NFAT5: variants seen among roughly 807,000 people sequenced by gnomAD.
NFAT5 encodes nuclear factor of activated T cells 5, also known as nuclear factor of activated T-cells 5.
Under a neutral mutation model 166.5 loss-of-function variants are expected in NFAT5, and 31 were observed. The ratio of observed to expected loss-of-function variants is 0.19; its 90% CI spans 0.14 to 0.25. The LOEUF is 0.25. NFAT5 is among the 10% of genes least tolerant of loss of function. The pLI is 1.00. For synonymous variants in NFAT5, 612 were observed against 639.7 expected, an observed-to-expected ratio of 0.96 and a Z score of 0.65; for missense variants, 1,449 against 1,821.8, an observed-to-expected ratio of 0.80 and a Z score of 3.72.
chr16:69,641,974 C>T (rs938736190), intron 3 of NFAT5, among the ~76,000 whole-genome samples: 10 of 152,022 alleles, frequency 6.6e-5, no homozygotes, highest in Admixed American at 1.3e-4. Flanking sequence ...TGGTGCATAC[C>T]TGTAGTCCTA....
chr16:69,596,627 A>G (rs2032806801), intron 2 of NFAT5, among the ~76,000 whole-genome samples: 1 of 151,388 alleles, frequency 6.6e-6, no homozygotes. Context: ...CTGACGCAGG[A>G]GAATCGCTTG....
intron 2 of NFAT5, among the ~76,000 whole-genome samples, chr16:69,595,893 A>G (rs1014075903): frequency 1.3e-5 from 2 of 152,216 alleles, no homozygotes; most frequent in African/African-American, 4.8e-5. Flanking sequence ...ACTAAAGGGT[A>G]GATAGTGTGT....
intron 2 of NFAT5, among the ~76,000 whole-genome samples, chr16:69,618,254 T>G (rs2034048567): frequency 6.6e-6 from 1 of 152,220 alleles, no homozygotes; most frequent in African/African-American, 2.4e-5. Context: ...AAAATTACTT[T>G]AAAACACTAG....
rs539103920 is a variant in NFAT5, at chr16:69,700,671, C to G, written c.*4320C>G. 2.8e-4 allele frequency: 43 copies of G among 151,968 alleles called. No individual in the cohort carries two copies. Among genetic ancestry groups the G allele is most frequent in the African/African-American group, 1.0e-3 (42 of 41,448 alleles). The allele number at this position is 151,968 out of a possible 1,614,324, so 9.4% of individuals were successfully genotyped here. ...CTGCTTTATGACCACAGGTTTTATC[C>G]CTAACCGAGACAGCTGTCTTATATC... On this transcript the variant is annotated 3_prime_UTR_variant, in exon 15 of 15. Transcript: ENST00000349945.
At chr16:69,668,951 C>T (rs75815213) in intron 7 of NFAT5, among the ~76,000 whole-genome samples, 36,061 of 151,954 alleles carry the variant, frequency 0.24, 4,570 homozygotes, top group East Asian at 0.44. Flanking sequence ...TACTTAACAC[C>T]GGTGCAGTCA....
At chr16:69,568,227 C>G (rs961004064) in intron 1 of NFAT5, among the ~76,000 whole-genome samples, 1 of 151,964 alleles carries the variant, frequency 6.6e-6, no homozygotes, top group Non-Finnish European at 1.5e-5. Context: ...GGCTGAGGCA[C>G]GAGAACCACT....
chr16:69,619,864 A>G (rs996649860), intron 2 of NFAT5, among the ~76,000 whole-genome samples: 4 of 152,066 alleles, frequency 2.6e-5, no homozygotes, highest in African/African-American at 7.2e-5. Context: ...TAAATTACCA[A>G]TTTTTTTCTT....
chr16:69,641,064 G>C (rs1471954014), intron 3 of NFAT5, among the ~76,000 whole-genome samples: 1 of 151,576 alleles, frequency 6.6e-6, no homozygotes, highest in Non-Finnish European at 1.5e-5. Context: ...CAGAACACAA[G>C]GTCAGGAATT....
intron 2 of NFAT5, among the ~76,000 whole-genome samples, chr16:69,578,827 T>C (rs891785539): frequency 2.0e-5 from 3 of 152,180 alleles, no homozygotes; most frequent in Admixed American, 6.5e-5. Flanking sequence ...ACCTTGATAA[T>C]TGACATTTGT....
intron 2 of NFAT5, among the ~76,000 whole-genome samples, chr16:69,607,086 C>G (rs1156486724): frequency 2.0e-5 from 3 of 152,154 alleles, no homozygotes; most frequent in African/African-American, 7.2e-5. Context: ...GTGTTCTACA[C>G]ATTATTGCTA....
At chr16:69,574,544 A>G (rs2016628584) in intron 2 of NFAT5, among the ~76,000 whole-genome samples, 1 of 152,226 alleles carries the variant, frequency 6.6e-6, no homozygotes, top group Admixed American at 6.5e-5. Context: ...TAGCTTTCAG[A>G]ATAAATAAAC....
At chr16:69,567,198 T>C (rs2016118097) in intron 1 of NFAT5, among the ~76,000 whole-genome samples, 1 of 152,204 alleles carries the variant, frequency 6.6e-6, no homozygotes, top group African/African-American at 2.4e-5. Flanking sequence ...CAAGGGCTGG[T>C]TGCAGGGAGG....
intron 3 of NFAT5, among the ~76,000 whole-genome samples, chr16:69,629,439 T>C (rs1370448362): frequency 3.9e-5 from 6 of 152,142 alleles, no homozygotes; most frequent in Non-Finnish European, 8.8e-5. Flanking sequence ...ATCAAGCCTT[T>C]ATCTGCTTCT....
intron 2 of NFAT5, among the ~76,000 whole-genome samples, chr16:69,607,534 T>G (rs2033479168): frequency 6.6e-6 from 1 of 152,230 alleles, no homozygotes; most frequent in Non-Finnish European, 1.5e-5. Context: ...ACTAGAACCT[T>G]TATCCCCTGA....
intron 2 of NFAT5, among the ~76,000 whole-genome samples, chr16:69,599,981 C>T (rs890165413): frequency 2.0e-5 from 3 of 151,978 alleles, no homozygotes; most frequent in Non-Finnish European, 4.4e-5. Flanking sequence ...ATTCTGGCTA[C>T]AGTGTAGATA....
At chr16:69,594,136 G>T (rs1037112432) in intron 2 of NFAT5, among the ~76,000 whole-genome samples, 8 of 152,282 alleles carry the variant, frequency 5.3e-5, no homozygotes, top group East Asian at 3.9e-4. Flanking sequence ...TTATGATGGG[G>T]TATGTTCTGA....
chr16:69,579,207 A>G (rs1274886019), intron 2 of NFAT5, among the ~76,000 whole-genome samples: 1 of 152,190 alleles, frequency 6.6e-6, no homozygotes, highest in Non-Finnish European at 1.5e-5. Flanking sequence ...GTGAACTCCA[A>G]GACATTTTTC....
intron 2 of NFAT5, among the ~76,000 whole-genome samples, chr16:69,572,905 T>G (rs1181502374): frequency 6.6e-6 from 1 of 152,152 alleles, no homozygotes; most frequent in Non-Finnish European, 1.5e-5. Flanking sequence ...TGCAGTGGCA[T>G]GATCTCAGCT....
chr16:69,615,882 A>T (rs2033920687), intron 2 of NFAT5, among the ~76,000 whole-genome samples: 1 of 151,998 alleles, frequency 6.6e-6, no homozygotes, highest in South Asian at 2.1e-4. Context: ...TGCCTCCTAC[A>T]TGGATGCTCT....
Sources: gnomAD v4.1 joint callset for allele counts (sites outside exome capture counted in the v4.1 genomes callset) on GRCh38, gnomAD v4.1.1 for gene constraint, MANE v1.5 for transcripts, NCBI Gene and HGNC (gene_info 2026-07-23, HGNC 2026-07-21) for gene names.